Variants in CSRNP3 observed in about 807,000 individuals in gnomAD.
CSRNP3 encodes cysteine and serine rich nuclear protein 3, also known as cysteine/serine-rich nuclear protein 3.
A neutral mutation model predicts 48.0 loss-of-function variants in CSRNP3; 12 were observed. The ratio of observed to expected loss-of-function variants is 0.25; its 90% CI spans 0.16 to 0.41. CSRNP3 has a LOEUF of 0.41. Ranked by LOEUF, CSRNP3 falls within the 10% of genes least tolerant of loss-of-function variation. The probability of loss-of-function intolerance (pLI) is 1.00; values close to 1 mark genes in which losing one functional copy is unlikely to be tolerated. For missense variants in CSRNP3, 580 were observed against 724.4 expected (o/e 0.80, Z 2.29); for synonymous variants, 263 against 269.7 (o/e 0.98, Z 0.24).
intron 1 of CSRNP3, among the ~76,000 whole-genome samples, chr2:165,494,410 G>C (rs980517747): frequency 2.0e-5 from 3 of 151,970 alleles, no homozygotes; most frequent in Non-Finnish European, 2.9e-5. Context: ...CTGAACTCTG[G>C]CTCTGTCAAT....
chr2:165,683,273 A>T lies in CSRNP3; in HGVS notation c.*3520A>T, dbSNP rs1478908489. 6.6e-6 allele frequency: 1 copy of T among 152,144 alleles called. No individual in the cohort carries two copies. Among genetic ancestry groups the T allele is most frequent in the Non-Finnish European group, 1.5e-5 (1 of 68,004 alleles). The allele number at this position is 152,144 out of a possible 1,614,324, so 9.4% of individuals were successfully genotyped here. ...GATAAAACCATTTTCTCAATGTGAC[A>T]GCCACATGTAAAATGTGAAACTAAT... is the stretch of plus-strand genomic sequence containing the variant. On this transcript the variant is annotated 3_prime_UTR_variant, in exon 7 of 7. Coordinates refer to ENST00000651982, the MANE Select transcript of CSRNP3 (RefSeq NM_001172173.2).
intron 3 of CSRNP3, among the ~76,000 whole-genome samples, chr2:165,554,873 A>C (rs1048544760): frequency 2.0e-5 from 3 of 152,234 alleles, no homozygotes; most frequent in Non-Finnish European, 4.4e-5. Context: ...CCTGCAAATT[A>C]TAACACTGTC....
At chr2:165,648,691 G>A (rs964032494) in intron 4 of CSRNP3, among the ~76,000 whole-genome samples, 3 of 152,086 alleles carry the variant, frequency 2.0e-5, no homozygotes, top group Non-Finnish European at 4.4e-5. Context: ...GGGAAGAGGA[G>A]GGGGCGTCCT....
intron 2 of CSRNP3, among the ~76,000 whole-genome samples, chr2:165,513,079 T>C (rs1314254486): frequency 6.6e-6 from 1 of 152,118 alleles, no homozygotes; most frequent in Non-Finnish European, 1.5e-5. Flanking sequence ...CACTCCAGCC[T>C]GAGTGACAGA....
At chr2:165,601,435 T>C (rs1248153756) in intron 4 of CSRNP3, among the ~76,000 whole-genome samples, 6 of 152,210 alleles carry the variant, frequency 3.9e-5, no homozygotes, top group Admixed American at 3.9e-4. Flanking sequence ...CATTCTAAAT[T>C]GCACATGAAT....
In CSRNP3 at chr2:165,516,249, A is replaced by G. The variant is rs189291265; in HGVS notation, c.-112-1624A>G. On this transcript the variant is annotated intron_variant, in intron 2 of 6. Transcript: ENST00000651982. ...ATTCATCTTTAACAGAGAAAACAGG[A>G]AAAGCTCCATTCTTAGATGTTGCTC... is the stretch of plus-strand genomic sequence containing the variant. 2.9e-3 allele frequency among the ~76,000 whole-genome samples: 448 copies of G among 152,286 alleles called. 2 individuals carry two copies. Among genetic ancestry groups the G allele is most frequent in the African/African-American group, 0.01 (424 of 41,548 alleles).
intron 3 of CSRNP3, among the ~76,000 whole-genome samples, chr2:165,520,770 TTATA>T (rs1161447238): frequency 1.9e-5 from 2 of 107,350 alleles, no homozygotes; most frequent in Non-Finnish European, 3.8e-5. Context: ...TAGAAATATA[TTATA>T]TATATATATT....
At chr2:165,563,083 T>C (rs1213509484) in intron 3 of CSRNP3, among the ~76,000 whole-genome samples, 1 of 152,162 alleles carries the variant, frequency 6.6e-6, no homozygotes, top group East Asian at 1.9e-4. Context: ...CAAAGATTTA[T>C]TGGGCAATAC....
intron 5 of CSRNP3, among the ~76,000 whole-genome samples, chr2:165,671,371 C>T (rs1271832597): frequency 6.6e-6 from 1 of 152,216 alleles, no homozygotes; most frequent in East Asian, 1.9e-4. Context: ...TTAATGGACT[C>T]ACAGTTCCAT....
intron 5 of CSRNP3, among the ~76,000 whole-genome samples, chr2:165,673,155 T>TTTTTTTTTA (rs367832445): frequency 2.8e-5 from 4 of 144,018 alleles, no homozygotes; most frequent in African/African-American, 8.0e-5. Context: ...TTTTTTTTTT[T>TTTTTTTTTA]GAGACAGGGC....
chr2:165,502,989 A>G (rs1417957583), intron 2 of CSRNP3, among the ~76,000 whole-genome samples: 2 of 151,842 alleles, frequency 1.3e-5, no homozygotes, highest in Admixed American at 1.3e-4. Context: ...TTATTATGAT[A>G]GTGATTTTCT....
intron 4 of CSRNP3, among the ~76,000 whole-genome samples, chr2:165,624,541 T>TGCTGGCC (rs1686396427): frequency 6.6e-6 from 1 of 152,220 alleles, no homozygotes; most frequent in Admixed American, 6.5e-5. Context: ...CACAGTCCCT[T>TGCTGGCC]GCTGGCCAGC....
intron 1 of CSRNP3, among the ~76,000 whole-genome samples, chr2:165,482,755 A>G (rs1684064105): frequency 6.6e-6 from 1 of 152,206 alleles, no homozygotes; most frequent in African/African-American, 2.4e-5. Context: ...GTAAATTGAT[A>G]AAAATCAATG....
chr2:165,629,424 T>C (rs1016693753), intron 4 of CSRNP3, among the ~76,000 whole-genome samples: 3 of 152,224 alleles, frequency 2.0e-5, no homozygotes, highest in Non-Finnish European at 4.4e-5. Context: ...TAGCTTTGCT[T>C]TCTTATGCTC....
intron 1 of CSRNP3, among the ~76,000 whole-genome samples, chr2:165,491,950 T>TAAAAAAAAAAAAAAA (rs560385044): frequency 9.6e-6 from 1 of 104,590 alleles, no homozygotes; most frequent in Non-Finnish European, 2.0e-5. Context: ...TAAAGTATAA[T>TAAAAAAAAAAAAAAA]AAAAAAAAAA....
At chr2:165,658,060 T>C in intron 5 of CSRNP3, 40 bp downstream of exon 5, 2 of 1,581,302 alleles carry the variant, frequency 1.3e-6, no homozygotes, top group East Asian at 2.3e-5. Context: ...CTCATATCCT[T>C]ACAGCAATTT....
intron 3 of CSRNP3, among the ~76,000 whole-genome samples, chr2:165,568,709 A>G (rs1685330423): frequency 1.3e-5 from 2 of 152,102 alleles, no homozygotes; most frequent in Non-Finnish European, 2.9e-5. Flanking sequence ...ACTAAGAATA[A>G]AGGTGGAGGA....
intron 3 of CSRNP3, among the ~76,000 whole-genome samples, chr2:165,522,027 G>T (rs1353003519): frequency 2.0e-5 from 3 of 151,992 alleles, no homozygotes; most frequent in Admixed American, 2.0e-4. Flanking sequence ...ATGGTGGCTC[G>T]TGCCTGTAAT....
At chr2:165,518,640 TG>T (rs1406309681) in intron 3 of CSRNP3, among the ~76,000 whole-genome samples, 2 of 152,000 alleles carry the variant, frequency 1.3e-5, no homozygotes, top group Non-Finnish European at 2.9e-5. Context: ...TTAGTCTAAT[TG>T]GATACCTTGA....
Sources: gnomAD v4.1 joint callset for allele counts (sites outside exome capture counted in the v4.1 genomes callset) on GRCh38, gnomAD v4.1.1 for gene constraint, MANE v1.5 for transcripts, NCBI Gene and HGNC (gene_info 2026-07-23, HGNC 2026-07-21) for gene names.